LNPK: variants seen among roughly 807,000 people sequenced by gnomAD.
LNPK encodes endoplasmic reticulum junction formation protein lunapark.
In LNPK, 29 loss-of-function variants were observed where a neutral mutation model predicts 55.2. The observed-to-expected ratio is 0.53, with a 90% CI of 0.39 to 0.72. The LOEUF is 0.72. LNPK is among the 30% of genes least tolerant of loss of function. LNPK has a pLI of 0.00. For missense variants in LNPK, 467 were observed against 494.8 expected, an observed-to-expected ratio of 0.94 and a Z score of 0.53; for synonymous variants, 162 against 168.2, an observed-to-expected ratio of 0.96 and a Z score of 0.29.
intron 8 of LNPK, among the ~76,000 whole-genome samples, chr2:175,949,085 T>C (rs1225737564): frequency 1.3e-5 from 2 of 152,164 alleles, no homozygotes; most frequent in South Asian, 2.1e-4. Context: ...TCAAATGATT[T>C]TAGCTAAAAT....
In LNPK at chr2:175,964,560, G is replaced by A. The variant is rs181413679; in HGVS notation, c.387C>T (p.Tyr129=). The A allele has an allele frequency of 6.2e-7, 1 of 1,609,914 alleles. No individual in the cohort carries two copies. Among genetic ancestry groups the A allele is most frequent in the East Asian group, 2.2e-5 (1 of 44,824 alleles). The change falls in exon 7 of 13, where the codon TAC becomes TAT. Residue 129 remains tyrosine (Y), a synonymous_variant. Coordinates refer to ENST00000272748, the MANE Select transcript of LNPK (RefSeq NM_030650.3). The part of the protein sequence containing the change: ...ILEEVMEKET[Y]KTAKLILERF... ...TTTCAAGAATTAATTTAGCCGTCTT[G>A]TAAGTTTCTTTTTCCATGACTTCTT...
rs115522052 is a variant in LNPK, at chr2:175,982,290, T to A, written c.258-2422A>T. ...AGTGGCTAGAATTCTGTAGGAAATG[T>A]ATAAATTTTCTTAAATGAGTAGATA... On this transcript the variant is annotated intron_variant, in intron 4 of 12. Coordinates refer to ENST00000272748, the MANE Select transcript of LNPK (RefSeq NM_030650.3). Among the ~76,000 whole-genome samples the A allele has an allele frequency of 5.6e-3, 848 of 152,296 alleles. 7 individuals carry two copies. The highest frequency in any genetic ancestry group is 0.017 in the African/African-American group (726 of 41,554).
At chr2:175,976,042 A>C (rs1040526946) in intron 5 of LNPK, among the ~76,000 whole-genome samples, 20 of 152,118 alleles carry the variant, frequency 1.3e-4, no homozygotes, top group African/African-American at 4.8e-4. Flanking sequence ...AAGAAACTGT[A>C]AGGTTCAGGG....
At chr2:175,940,048 G>A (rs533351736) in intron 9 of LNPK, among the ~76,000 whole-genome samples, 11 of 152,112 alleles carry the variant, frequency 7.2e-5, no homozygotes, top group Non-Finnish European at 1.3e-4. Context: ...CAGATTTAAC[G>A]TCCCACCTAA....
chr2:175,975,658 T>C (rs917870588), intron 5 of LNPK, among the ~76,000 whole-genome samples: 2 of 152,208 alleles, frequency 1.3e-5, no homozygotes, highest in Admixed American at 6.5e-5. Flanking sequence ...GTCACCCTAT[T>C]GTGCTATCAA....
intron 10 of LNPK, among the ~76,000 whole-genome samples, chr2:175,939,216 T>A (rs1684695821): frequency 1.3e-5 from 2 of 152,108 alleles, no homozygotes; most frequent in Non-Finnish European, 2.9e-5. Context: ...TATCACCAAG[T>A]CCAGTACTGA....
At chr2:175,957,082 G>C (rs1685730379) in intron 8 of LNPK, among the ~76,000 whole-genome samples, 1 of 152,074 alleles carries the variant, frequency 6.6e-6, no homozygotes, top group Non-Finnish European at 1.5e-5. Flanking sequence ...AATTGGCTGG[G>C]CGCAGTAGCT....
At chr2:175,992,607 T>C (rs1310001324) in intron 3 of LNPK, among the ~76,000 whole-genome samples, 189 bp from the exon 4 acceptor site, 1 of 152,174 alleles carries the variant, frequency 6.6e-6, no homozygotes, top group Non-Finnish European at 1.5e-5. Flanking sequence ...GTTAAAAATG[T>C]ATAATGCTTA....
intron 9 of LNPK, among the ~76,000 whole-genome samples, chr2:175,941,641 A>C (rs933895843): frequency 6.6e-6 from 1 of 151,734 alleles, no homozygotes; most frequent in Non-Finnish European, 1.5e-5. Flanking sequence ...AAATACAAAA[A>C]TTGGCTGGGC....
chr2:175,976,356 GATT>G (rs1201677224), intron 5 of LNPK, among the ~76,000 whole-genome samples: 1 of 152,202 alleles, frequency 6.6e-6, no homozygotes, highest in Non-Finnish European at 1.5e-5. Context: ...TGGAGGTAAA[GATT>G]ATATGACTTG....
At chr2:175,985,500 T>TCA (rs1687363118) in intron 4 of LNPK, among the ~76,000 whole-genome samples, 1 of 152,228 alleles carries the variant, frequency 6.6e-6, no homozygotes, top group African/African-American at 2.4e-5. Flanking sequence ...TTTTACTTTG[T>TCA]GGTACATTCA....
chr2:176,000,731 A>C (rs1688129388), intron 1 of LNPK, among the ~76,000 whole-genome samples: 1 of 152,204 alleles, frequency 6.6e-6, no homozygotes, highest in South Asian at 2.1e-4. Context: ...ATATTATACT[A>C]TACAATTGAA....
intron 2 of LNPK, among the ~76,000 whole-genome samples, chr2:175,994,910 T>C (rs867764049): frequency 7.1e-6 from 1 of 140,696 alleles, no homozygotes; most frequent in South Asian, 2.2e-4. Flanking sequence ...AAGTCTTGTA[T>C]AGAATTTTTT....
chr2:175,997,350 A>G (rs144661861), intron 1 of LNPK, among the ~76,000 whole-genome samples: 158 of 152,346 alleles, frequency 1.0e-3, no homozygotes, highest in African/African-American at 3.3e-3. Flanking sequence ...TGATTAAACT[A>G]TAAATTTCTA....
intron 8 of LNPK, among the ~76,000 whole-genome samples, chr2:175,961,749 G>T (rs1198502379): frequency 6.6e-6 from 1 of 152,194 alleles, no homozygotes; most frequent in East Asian, 1.9e-4. Context: ...ATTAGGAAAA[G>T]AGGAAGTCAA....
chr2:175,948,344 T>C (rs1685246734), intron 8 of LNPK, among the ~76,000 whole-genome samples: 1 of 152,242 alleles, frequency 6.6e-6, no homozygotes, highest in African/African-American at 2.4e-5. Flanking sequence ...TCAGCAAGCA[T>C]GCCAAATTCA....
intron 12 of LNPK, among the ~76,000 whole-genome samples, chr2:175,933,402 A>G (rs532915680): frequency 6.6e-6 from 1 of 152,192 alleles, no homozygotes; most frequent in Non-Finnish European, 1.5e-5. Flanking sequence ...ACAACTTCAT[A>G]TATTTTTGCC....
In LNPK at chr2:176,001,575, A is replaced by G. The variant is rs6707314; in HGVS notation, c.-63+585T>C. On this transcript the variant is annotated intron_variant, in intron 1 of 12. Coordinates refer to ENST00000272748, the MANE Select transcript of LNPK (RefSeq NM_030650.3). Reference sequence around the variant, plus strand: ...CCCCACAGCCCACCATCCCTGAAATAAGGACAATGGTTGGAGAGTCTCTTC... The same window carrying G: ...CCCCACAGCCCACCATCCCTGAAATGAGGACAATGGTTGGAGAGTCTCTTC... Among the ~76,000 whole-genome samples the G allele has an allele frequency of 5.4e-3, 825 of 152,102 alleles. 6 individuals are homozygous for G. Among genetic ancestry groups the G allele is most frequent in the African/African-American group, 0.019 (786 of 41,496 alleles).
rs983456820 is a variant in LNPK, at chr2:175,927,315, A to G, written c.*2652T>C. ...CTAGACCCTTGAGATACAGACATGA[A>G]TAAGAAAAATAAGACCCTTGCACAA... On this transcript the variant is annotated 3_prime_UTR_variant, in exon 13 of 13. Coordinates refer to ENST00000272748, the MANE Select transcript of LNPK (RefSeq NM_030650.3). 2 of 152,230 alleles carry G rather than the reference A, an allele frequency of 1.3e-5. No homozygotes were observed. The highest frequency in any genetic ancestry group is 2.9e-5 in the Non-Finnish European group (2 of 68,038). The allele number at this position is 152,230 out of a possible 1,614,324, so 9.4% of individuals were successfully genotyped here.
Sources: allele counts gnomAD v4.1 joint callset (sites outside exome capture counted in the v4.1 genomes callset), GRCh38; gene constraint gnomAD v4.1.1; transcripts MANE v1.5; gene names NCBI Gene and HGNC (gene_info 2026-07-23, HGNC 2026-07-21).